DNAH8: variants seen among roughly 807,000 people sequenced by gnomAD.
The protein encoded by DNAH8 is axonemal beta dynein heavy chain 8.
DNAH8 carries 382 observed loss-of-function variants against 562.1 expected under a neutral mutation model. The ratio of observed to expected loss-of-function variants is 0.68; its 90% CI spans 0.63 to 0.74. The LOEUF is 0.74. Ranked by LOEUF, DNAH8 falls within the 30% of genes least tolerant of loss-of-function variation. The probability of loss-of-function intolerance (pLI) is 0.00; values close to 1 mark genes in which losing one functional copy is unlikely to be tolerated. For missense variants in DNAH8, 5,203 were observed against 5,620.4 expected (o/e 0.93, Z 2.37); for synonymous variants, 1,881 against 1,919.4 (o/e 0.98, Z 0.52).
chr6:38,770,127 A>T (rs896539442), intron 11 of DNAH8, among the ~76,000 whole-genome samples: 30 of 152,164 alleles, frequency 2.0e-4, no homozygotes, highest in African/African-American at 7.0e-4. Context: ...CTGAATAGAG[A>T]TGTCTTGATA....
intron 47 of DNAH8, 80 bp from the exon 48 acceptor site, chr6:38,867,981 AC>A: frequency 7.1e-7 from 1 of 1,405,902 alleles, no homozygotes. Context: ...ATCAGAATCG[AC>A]CTATATGCAT....
rs143005276 is a variant in DNAH8 at position 38,915,678 on chromosome 6, C to T, written c.10140+301C>T. ...ACGCAGAGAGCCTGCTCAGTTTCTC[C>T]AGCATCCCTTCCAGATTATGTCATG... On this transcript the variant is annotated intron_variant, in intron 68 of 92. Transcript: ENST00000327475. Among the ~76,000 whole-genome samples the T allele has an allele frequency of 3.5e-4, 53 of 152,236 alleles. No individual in the cohort carries two copies. In the East Asian group the frequency reaches 4.6e-3, roughly 13 times the overall value.
At chr6:38,880,179 G>A (rs1214039886) in intron 53 of DNAH8, among the ~76,000 whole-genome samples, 7 of 152,124 alleles carry the variant, frequency 4.6e-5, no homozygotes, top group South Asian at 4.1e-4. Flanking sequence ...TCTGGGAGGC[G>A]GAGGTTGCAG....
At chr6:38,725,294 C>A (rs1478675857) in intron 3 of DNAH8, among the ~76,000 whole-genome samples, 2 of 61,406 alleles carry the variant, frequency 3.3e-5, no homozygotes, top group Non-Finnish European at 6.8e-5. Context: ...TAGAGTGAGA[C>A]TCCAACTCAT....
At chr6:38,917,516 T>C in intron 69 of DNAH8, 110 bp downstream of exon 69, 1 of 900,200 alleles carries the variant, frequency 1.1e-6, no homozygotes, top group Non-Finnish European at 1.7e-6. Context: ...TCATTGCGTA[T>C]TGAAAAGTTT....
intron 80 of DNAH8, among the ~76,000 whole-genome samples, chr6:38,946,175 C>T (rs950148605): frequency 2.0e-5 from 3 of 152,268 alleles, no homozygotes; most frequent in African/African-American, 7.2e-5. Context: ...TTGGCTGCAA[C>T]TGCCTGTCAC....
chr6:38,746,153 T>C (rs1181545162), intron 8 of DNAH8, among the ~76,000 whole-genome samples: 1 of 152,224 alleles, frequency 6.6e-6, no homozygotes, highest in Non-Finnish European at 1.5e-5. Flanking sequence ...ATGTTGTCTC[T>C]TCTCTCACTG....
intron 79 of DNAH8, among the ~76,000 whole-genome samples, chr6:38,943,396 A>G (rs1056469886): frequency 6.6e-6 from 1 of 152,328 alleles, no homozygotes; most frequent in Non-Finnish European, 1.5e-5. Flanking sequence ...GATACTTTTA[A>G]AAAATCATTT....
At chr6:38,865,846 C>G (rs1776993969) in intron 45 of DNAH8, among the ~76,000 whole-genome samples, 1 of 152,170 alleles carries the variant, frequency 6.6e-6, no homozygotes, top group South Asian at 2.1e-4. Context: ...AGCAAGGTAC[C>G]TGGCCTATTG....
chr6:38,802,298 G>T (rs1770852971), intron 21 of DNAH8, among the ~76,000 whole-genome samples: 1 of 151,586 alleles, frequency 6.6e-6, no homozygotes, highest in South Asian at 2.1e-4. Flanking sequence ...AGGCTGGAGT[G>T]CAGTGGCGCG....
chr6:38,730,909 C>A (rs1280732152), intron 4 of DNAH8, among the ~76,000 whole-genome samples: 1 of 151,280 alleles, frequency 6.6e-6, no homozygotes, highest in Non-Finnish European at 1.5e-5. Flanking sequence ...ACTCAGCATC[C>A]CCTACCCGGC....
At chr6:38,990,257 C>G in intron 88 of DNAH8, 85 bp downstream of exon 88, 2 of 878,138 alleles carry the variant, frequency 2.3e-6, no homozygotes, top group Non-Finnish European at 3.5e-6. Context: ...CTCTCCTAAT[C>G]TCTCTCCTTT....
intron 21 of DNAH8, among the ~76,000 whole-genome samples, chr6:38,802,255 T>TC (rs1204614811): frequency 1.3e-5 from 2 of 152,058 alleles, no homozygotes; most frequent in African/African-American, 4.8e-5. Flanking sequence ...TTTTACGTTT[T>TC]TTTTTTAGAG....
intron 10 of DNAH8, among the ~76,000 whole-genome samples, chr6:38,760,281 G>A (rs1391434347): frequency 6.6e-6 from 1 of 151,998 alleles, no homozygotes; most frequent in Non-Finnish European, 1.5e-5. Context: ...TTTTAAATTC[G>A]ACATCATTGT....
chr6:38,874,121 TTCTC>T (rs1317274537), intron 52 of DNAH8, among the ~76,000 whole-genome samples: 15 of 53,026 alleles, frequency 2.8e-4, no homozygotes, highest in South Asian at 9.4e-4. Flanking sequence ...TCCTTCCTCC[TTCTC>T]TCTTTCTTTC....
intron 35 of DNAH8, among the ~76,000 whole-genome samples, chr6:38,843,113 T>C (rs1774961994): frequency 1.3e-5 from 2 of 152,186 alleles, no homozygotes; most frequent in Admixed American, 1.3e-4. Context: ...ATACATTATT[T>C]GAAATACATT....
Position 38,873,056 on chromosome 6 carries a change from AC to A in DNAH8, c.7389del (p.His2463GlnfsTer34). 6.2e-7 allele frequency: 1 copy of A among 1,614,128 alleles called. No individual in the cohort carries two copies. The highest frequency in any genetic ancestry group is 8.5e-7 in the Non-Finnish European group (1 of 1,179,992). On this transcript the variant is annotated frameshift_variant, in exon 51 of 93. Coordinates refer to ENST00000327475, the MANE Select transcript of DNAH8 (RefSeq NM_001206927.2). LOFTEE classifies it high-confidence loss of function. ...AGTTGTAAGCTTCTGTTTGAAGTCC[AC>A]AATATCGAGAACGCCTCTCCTGCCA... is the stretch of plus-strand genomic sequence containing the variant. ...APSCKLLFEV[H>X]NIENASPATV...
intron 62 of DNAH8, among the ~76,000 whole-genome samples, chr6:38,904,845 T>C (rs1426269921): frequency 2.0e-5 from 3 of 148,148 alleles, no homozygotes; most frequent in Non-Finnish European, 4.5e-5. Context: ...ACATGAAAAG[T>C]GGCAACTGAT....
At chr6:38,937,674 A>ACATGAT (rs1480513285) in intron 77 of DNAH8, among the ~76,000 whole-genome samples, 2 of 152,142 alleles carry the variant, frequency 1.3e-5, no homozygotes, top group Non-Finnish European at 2.9e-5. Flanking sequence ...AGCACTGGAG[A>ACATGAT]CATGATCATT....
Sources: gnomAD v4.1 joint callset for allele counts (sites outside exome capture counted in the v4.1 genomes callset) on GRCh38, gnomAD v4.1.1 for gene constraint, MANE v1.5 for transcripts, NCBI Gene and HGNC (gene_info 2026-07-23, HGNC 2026-07-21) for gene names.